GUCY1B1: variants seen among roughly 807,000 people sequenced by gnomAD.
GUCY1B1 encodes the protein guanylate cyclase soluble subunit beta-1.
A neutral mutation model predicts 71.0 loss-of-function variants in GUCY1B1; 43 were observed. The observed-to-expected ratio is 0.61, with a 90% CI of 0.47 to 0.78. GUCY1B1 has a LOEUF of 0.78. Among genes scored for constraint, GUCY1B1 ranks in the 30% least tolerant of loss-of-function variants. The pLI, the probability that GUCY1B1 is intolerant of heterozygous loss-of-function variation, is 0.00. For missense variants in GUCY1B1, 535 were observed against 754.1 expected (o/e 0.71, Z 3.40); for synonymous variants, 266 against 259.7 (o/e 1.02, Z -0.23).
chr4:155,786,845 G>A (rs1455451578), intron 4 of GUCY1B1, among the ~76,000 whole-genome samples: 1 of 152,004 alleles, frequency 6.6e-6, no homozygotes, highest in Non-Finnish European at 1.5e-5. Flanking sequence ...CTGACCTCAA[G>A]TAATCTGCCT....
intron 4 of GUCY1B1, among the ~76,000 whole-genome samples, chr4:155,781,827 G>A (rs189566754): frequency 0.012 from 1,876 of 151,828 alleles, 34 homozygotes; most frequent in African/African-American, 0.042. Flanking sequence ...ATAATCTTTG[G>A]CATTTATTCT....
At chr4:155,763,985 T>C (rs550134626) in intron 2 of GUCY1B1, among the ~76,000 whole-genome samples, 1 of 141,146 alleles carries the variant, frequency 7.1e-6, no homozygotes, top group Non-Finnish European at 1.5e-5. Flanking sequence ...AAAATATTAT[T>C]GCAGTCTATA....
In GUCY1B1 at chr4:155,802,131, A is replaced by G. The variant is rs1376012275; in HGVS notation, c.1176-211A>G. The G allele has an allele frequency of 2.6e-6, 3 of 1,149,732 alleles. No individual in the cohort carries two copies. Among genetic ancestry groups the G allele is most frequent in the East Asian group, 2.6e-5 (1 of 38,746 alleles). The allele number at this position is 1,149,732 out of a possible 1,614,324, so 71.2% of individuals were successfully genotyped here. A position where few individuals can be genotyped will look rare whatever the true frequency, so the allele number is the denominator to read the frequency against. ...ACTAGTTTGGGCTTGCGGATGTCTT[A>G]TGTGATTAGGATGAACAAATAATTT... On this transcript the variant is annotated intron_variant, in intron 9 of 13. Coordinates refer to ENST00000264424, the MANE Select transcript of GUCY1B1 (RefSeq NM_000857.5). The surrounding 1 kb of genome is among the most constrained non-coding windows in gnomAD (Gnocchi z 4.3).
intron 12 of GUCY1B1, 122 bp downstream of exon 12, chr4:155,804,869 T>C (rs1740210955): frequency 1.2e-6 from 1 of 846,854 alleles, no homozygotes; most frequent in African/African-American, 1.7e-5. Context: ...TCCCCACTGC[T>C]TGTAGAGTTG....
intron 4 of GUCY1B1, among the ~76,000 whole-genome samples, chr4:155,787,932 T>C (rs993723097): frequency 5.9e-5 from 9 of 152,212 alleles, no homozygotes; most frequent in African/African-American, 2.2e-4. Context: ...GTACTTTCAT[T>C]TTAGGTATGT....
Position 155,802,653 on chromosome 4 carries a change from T to G in GUCY1B1, c.1413+74T>G. On this transcript the variant is annotated intron_variant, in intron 10 of 13. Coordinates refer to ENST00000264424, the MANE Select transcript of GUCY1B1 (RefSeq NM_000857.5). The surrounding 1 kb of genome is among the most constrained non-coding windows in gnomAD (Gnocchi z 4.3). ...CTGAGACTCCCCTCCAGAGGCCATG[T>G]CATCACAGCTCTCTGACTCCAGCAC... 1 of 1,295,724 alleles carries G rather than the reference T, an allele frequency of 7.7e-7. No homozygotes were observed. Among genetic ancestry groups the G allele is most frequent in the Non-Finnish European group, 1.1e-6 (1 of 949,750 alleles). 80.3% of individuals were successfully genotyped at this position (1,295,724 alleles called of 1,614,324 possible). A position where few individuals can be genotyped will look rare whatever the true frequency, so the allele number is the denominator to read the frequency against.
chr4:155,777,077 A>G (rs954372546), intron 3 of GUCY1B1, among the ~76,000 whole-genome samples: 14 of 152,208 alleles, frequency 9.2e-5, no homozygotes, highest in African/African-American at 3.4e-4. Flanking sequence ...TGTACACCTT[A>G]TAGACATAGG....
At chr4:155,784,497 T>G (rs1738635700) in intron 4 of GUCY1B1, among the ~76,000 whole-genome samples, 1 of 152,176 alleles carries the variant, frequency 6.6e-6, no homozygotes, top group South Asian at 2.1e-4. Flanking sequence ...TACATGACTC[T>G]CATTAAAGAA....
At chr4:155,804,973 G>C in intron 12 of GUCY1B1, 130 bp from the exon 13 acceptor site, 1 of 835,656 alleles carries the variant, frequency 1.2e-6, no homozygotes, top group Non-Finnish European at 1.9e-6. Context: ...TGTTTCTAAA[G>C]CTTTGAGTTA....
At chr4:155,764,702 G>A (rs1737213050) in intron 2 of GUCY1B1, among the ~76,000 whole-genome samples, 3 of 152,192 alleles carry the variant, frequency 2.0e-5, no homozygotes, top group Non-Finnish European at 1.5e-5. Flanking sequence ...CTGAAATACA[G>A]AGGAAGGCGT....
intron 2 of GUCY1B1, among the ~76,000 whole-genome samples, chr4:155,760,430 C>CT (rs1265054049): frequency 2.1e-5 from 3 of 143,576 alleles, no homozygotes; most frequent in Non-Finnish European, 4.6e-5. Flanking sequence ...GCCCACCCCC[C>CT]CCGCCCCAAC....
Position 155,796,363 on chromosome 4 carries a change from C to G in GUCY1B1, c.844-14C>G. ...GAAAGGCATTCATTAATGGTTGTAT[C>G]TTGCCTTTTCAAGGAAGGATTGTTG... is the stretch of plus-strand genomic sequence containing the variant. On this transcript the variant is annotated splice_polypyrimidine_tract_variant and intron_variant, in intron 7 of 13. Coordinates refer to ENST00000264424, the MANE Select transcript of GUCY1B1 (RefSeq NM_000857.5). The G allele has an allele frequency of 3.1e-6, 5 of 1,610,616 alleles. No individual in the cohort carries two copies. The highest frequency in any genetic ancestry group is 4.2e-6 in the Non-Finnish European group (5 of 1,177,846).
chr4:155,761,935 G>A (rs1368119173), intron 2 of GUCY1B1, among the ~76,000 whole-genome samples: 2 of 152,196 alleles, frequency 1.3e-5, no homozygotes, highest in African/African-American at 4.8e-5. Flanking sequence ...AGTCACACTG[G>A]TGTTGGTAAT....
chr4:155,796,993 T>C (rs946135259), intron 8 of GUCY1B1, among the ~76,000 whole-genome samples: 1 of 152,196 alleles, frequency 6.6e-6, no homozygotes, highest in Non-Finnish European at 1.5e-5. Flanking sequence ...CTAATCCAAA[T>C]ACACTGTTCC....
At chr4:155,792,250 TA>T (rs1161906428) in intron 5 of GUCY1B1, among the ~76,000 whole-genome samples, 1 of 152,082 alleles carries the variant, frequency 6.6e-6, no homozygotes, top group African/African-American at 2.4e-5. Context: ...AATGAGAAGT[TA>T]AAAATATGAT....
intron 2 of GUCY1B1, among the ~76,000 whole-genome samples, chr4:155,767,276 GACA>G (rs996638557): frequency 3.3e-5 from 5 of 152,148 alleles, no homozygotes; most frequent in African/African-American, 9.6e-5. Flanking sequence ...GGTGATTTTT[GACA>G]ACAATATTTT....
intron 2 of GUCY1B1, 142 bp from the exon 3 acceptor site, chr4:155,774,826 G>C (rs1360843498): frequency 9.6e-6 from 6 of 624,854 alleles, no homozygotes; most frequent in Non-Finnish European, 1.4e-5. Flanking sequence ...TTAGGTACAT[G>C]ATGATGTTTA....
chr4:155,804,167 T>C (rs1740149279), intron 11 of GUCY1B1, among the ~76,000 whole-genome samples: 1 of 152,246 alleles, frequency 6.6e-6, no homozygotes, highest in South Asian at 2.1e-4. Context: ...GTCCATAATA[T>C]GCTTGAAATT....
rs1450854116 is a variant in GUCY1B1, at chr4:155,806,392, A to C, written c.1843A>C (p.Lys615Gln). Residue 615 changes from lysine (K) to glutamine (Q), a missense_variant, in exon 14 of 14, where the codon AAG becomes CAG. By Grantham distance (53) the Lys-to-Gln change is moderately conservative (BLOSUM62 1). Coordinates refer to ENST00000264424, the MANE Select transcript of GUCY1B1 (RefSeq NM_000857.5). Reference sequence around the variant, plus strand: ...TTTCTTCTGCCTATTTAAGGAAACAAAGCAGGATGATGACTGAATCTTGGA... The same window carrying C: ...TTTCTTCTGCCTATTTAAGGAAACACAGCAGGATGATGACTGAATCTTGGA... Reference protein sequence around the residue: ...SRKNTGTEETKQDDD With the variant: ...SRKNTGTEETQQDDD The C allele has an allele frequency of 1.2e-6, 2 of 1,604,172 alleles. No homozygotes were observed. Among genetic ancestry groups the C allele is most frequent in the African/African-American group, 2.7e-5 (2 of 74,710 alleles).
Sources: gnomAD v4.1 joint callset for allele counts (sites outside exome capture counted in the v4.1 genomes callset) on GRCh38, gnomAD v4.1.1 for gene constraint, Gnocchi (gnomAD v3.1) non-coding constraint, MANE v1.5 for transcripts, NCBI Gene and HGNC (gene_info 2026-07-23, HGNC 2026-07-21) for gene names.